The following TMEM132D variants were observed in gnomAD, a reference collection of about 807,000 sequenced individuals.
TMEM132D encodes transmembrane protein 132D.
A neutral mutation model predicts 62.3 loss-of-function variants in TMEM132D; 21 were observed. That is an observed-to-expected ratio of 0.34 (90% confidence interval 0.24 to 0.49). TMEM132D has a LOEUF of 0.49. Ranked by LOEUF, TMEM132D falls within the 20% of genes least tolerant of loss-of-function variation. TMEM132D has a pLI of 0.99. For missense variants in TMEM132D, 1,346 were observed against 1,402.8 expected (o/e 0.96, Z 0.65); for synonymous variants, 621 against 575.6 (o/e 1.08, Z -1.13).
rs947930280 is a variant in TMEM132D, at chr12:129,089,549, G to A, written c.1444-4847C>T. Reference sequence around the variant, plus strand: ...ATGACCGGGTGTCCTCCATGACCGGGTGTCCTCCCTGACTGAGGTGTCTTC... The same window carrying A: ...ATGACCGGGTGTCCTCCATGACCGGATGTCCTCCCTGACTGAGGTGTCTTC... On this transcript the variant is annotated intron_variant, in intron 5 of 8. Transcript: ENST00000422113. 1.3e-4 allele frequency among the ~76,000 whole-genome samples: 16 copies of A among 126,540 alleles called. 3 individuals carry two copies. In the South Asian group the frequency reaches 2.5e-3, roughly 20 times the overall value. 83.0% of individuals were successfully genotyped at this position (126,540 alleles called of 152,430 possible).
At chr12:129,463,838 TG>T (rs1216773891) in intron 3 of TMEM132D, among the ~76,000 whole-genome samples, 1 of 151,912 alleles carries the variant, frequency 6.6e-6, no homozygotes, top group Non-Finnish European at 1.5e-5. Flanking sequence ...TATTCCATGG[TG>T]TATATGTGCC....
chr12:129,155,633 T>C (rs1335049573), intron 5 of TMEM132D, among the ~76,000 whole-genome samples: 6 of 152,214 alleles, frequency 3.9e-5, no homozygotes, highest in African/African-American at 1.4e-4. Flanking sequence ...AGGGCCTTCA[T>C]GCTGCATCTT....
At chr12:129,717,328 T>C (rs1291951326) in intron 1 of TMEM132D, among the ~76,000 whole-genome samples, 1 of 152,216 alleles carries the variant, frequency 6.6e-6, no homozygotes, top group Non-Finnish European at 1.5e-5. Flanking sequence ...ACATGGATTC[T>C]TCATGTGTCT....
chr12:129,590,009 T>C (rs1878145701), intron 2 of TMEM132D, among the ~76,000 whole-genome samples: 1 of 152,234 alleles, frequency 6.6e-6, no homozygotes, highest in Non-Finnish European at 1.5e-5. Context: ...TGTTCTATTA[T>C]GTTCTCTTTT....
chr12:129,803,396 T>C (rs969499935), intron 1 of TMEM132D, among the ~76,000 whole-genome samples: 189 of 152,062 alleles, frequency 1.2e-3, no homozygotes, highest in Non-Finnish European at 1.9e-3. Context: ...CACTCAAAAC[T>C]GCACAACTAC....
chr12:129,437,902 C>A (rs968580722), intron 3 of TMEM132D, among the ~76,000 whole-genome samples: 2 of 147,472 alleles, frequency 1.4e-5, no homozygotes, highest in Admixed American at 1.4e-4. Flanking sequence ...CCCCCTCCCC[C>A]CGACAGGCCC....
intron 4 of TMEM132D, among the ~76,000 whole-genome samples, chr12:129,241,226 T>C (rs1401393897): frequency 7.0e-6 from 1 of 141,934 alleles, no homozygotes; most frequent in Non-Finnish European, 1.5e-5. Flanking sequence ...GAAGAGACAA[T>C]CCATAGAATG....
At chr12:129,095,234 G>GA (rs1171975162) in intron 5 of TMEM132D, among the ~76,000 whole-genome samples, 1 of 151,392 alleles carries the variant, frequency 6.6e-6, no homozygotes, top group Non-Finnish European at 1.5e-5. Context: ...TCTTCACGTG[G>GA]AAAAAAAATT....
chr12:129,357,390 GGAAGGAAC>G (rs1483953725), intron 3 of TMEM132D, among the ~76,000 whole-genome samples: 1 of 147,772 alleles, frequency 6.8e-6, no homozygotes, highest in Non-Finnish European at 1.5e-5. Context: ...AGGGAGGGAA[GGAAGGAAC>G]GAAGGAAGGA....
chr12:129,623,057 GGA>G (rs1306675442), intron 2 of TMEM132D, among the ~76,000 whole-genome samples: 6 of 152,118 alleles, frequency 3.9e-5, no homozygotes, highest in Non-Finnish European at 8.8e-5. Flanking sequence ...AGGGGGAAGG[GGA>G]GAGAGAGATG....
chr12:129,200,497 C>T (rs903111204), intron 5 of TMEM132D, among the ~76,000 whole-genome samples: 11 of 152,134 alleles, frequency 7.2e-5, no homozygotes, highest in African/African-American at 2.4e-4. Flanking sequence ...AGTGAGGCGG[C>T]GCAATCCCTG....
intron 3 of TMEM132D, among the ~76,000 whole-genome samples, chr12:129,389,834 A>G (rs1260267328): frequency 6.6e-6 from 1 of 152,184 alleles, no homozygotes; most frequent in Admixed American, 6.5e-5. Context: ...GGAGGCAGAG[A>G]GTGGCTAGGT....
At chr12:129,113,355 C>G (rs932324370) in intron 5 of TMEM132D, 1 of 152,160 alleles carries the variant, frequency 6.6e-6, no homozygotes, top group African/African-American at 2.4e-5. Context: ...TAGGCTGAAC[C>G]CCTGGTGTTC....
intron 4 of TMEM132D, chr12:129,262,770 TAAG>T (rs1434889550): frequency 1.3e-5 from 2 of 152,170 alleles, no homozygotes; most frequent in Non-Finnish European, 2.9e-5. Flanking sequence ...CTGCAATCTA[TAAG>T]AAGGAGAGTG....
rs761917469 is a variant in TMEM132D, at chr12:129,074,006, C to T, written c.3169G>A (p.Asp1057Asn). The stretch of plus-strand genomic sequence containing the variant: ...ATGGAGTTCCTGGTGGGGTACTCGT[C>T]GTCTGAGGAGACGGCGGTGAAGGTG... ...FTTFTAVSSD[D>N]EYPTRNSIVM... The change falls in exon 9 of 9, where the codon GAC becomes AAC. Residue 1057 changes from aspartate to asparagine, a missense_variant. Transcript: ENST00000422113. The T allele has an allele frequency of 2.3e-5, 37 of 1,613,894 alleles. No homozygotes were observed. The highest frequency in any genetic ancestry group is 5.0e-5 in the Admixed American group (3 of 59,984).
chr12:129,717,612 T>C (rs1460368086), intron 1 of TMEM132D, among the ~76,000 whole-genome samples: 4 of 150,242 alleles, frequency 2.7e-5, no homozygotes, highest in Non-Finnish European at 5.9e-5. Context: ...AAACACAGAA[T>C]ATGAGGCCCA....
At chr12:129,313,081 T>C (rs1370746610) in intron 4 of TMEM132D, among the ~76,000 whole-genome samples, 1 of 152,160 alleles carries the variant, frequency 6.6e-6, no homozygotes, top group Non-Finnish European at 1.5e-5. Context: ...CCGGACACAC[T>C]AGCTTGAAAT....
At chr12:129,266,047 T>A (rs1880683147) in intron 4 of TMEM132D, among the ~76,000 whole-genome samples, 1 of 152,140 alleles carries the variant, frequency 6.6e-6, no homozygotes, top group Non-Finnish European at 1.5e-5. Context: ...CCCTTTTCAA[T>A]CTGCTCTGAG....
rs2135604741 is a variant in TMEM132D at position 129,074,807 on chromosome 12, T to A, written c.2368A>T (p.Thr790Ser). 1 of 1,614,080 alleles carries A rather than the reference T, an allele frequency of 6.2e-7. No homozygotes were observed. Among genetic ancestry groups the A allele is most frequent in the Non-Finnish European group, 8.5e-7 (1 of 1,180,022 alleles). Reference protein sequence around the residue: ...SKRKSVLAVGTANIKVKFGQN... With the variant: ...SKRKSVLAVGSANIKVKFGQN... ...CCAAATTTAACTTTGATGTTTGCCG[T>A]TCCAACAGCTAACACACTCTTCCGC... is the stretch of plus-strand genomic sequence containing the variant. The change falls in exon 9 of 9, where the codon ACG becomes TCG. Residue 790 changes from threonine to serine, a missense_variant. Transcript: ENST00000422113.
Sources: allele counts gnomAD v4.1 joint callset (sites outside exome capture counted in the v4.1 genomes callset), GRCh38; gene constraint gnomAD v4.1.1; transcripts MANE v1.5; gene names NCBI Gene and HGNC (gene_info 2026-07-23, HGNC 2026-07-21).